Variants in ADGRL2 observed in about 807,000 individuals in gnomAD.
ADGRL2 encodes adhesion G protein-coupled receptor L2.
ADGRL2 carries 44 observed loss-of-function variants against 157.4 expected under a neutral mutation model. The observed-to-expected ratio is 0.28, with a 90% confidence interval of 0.22 to 0.36. ADGRL2 has a LOEUF of 0.36. Among genes scored for constraint, ADGRL2 ranks in the 10% least tolerant of loss-of-function variants. The pLI, the probability that ADGRL2 is intolerant of heterozygous loss-of-function variation, is 1.00. For missense variants in ADGRL2, 1,510 were observed against 1,768.9 expected (o/e 0.85, Z 2.63); for synonymous variants, 585 against 624.7 (o/e 0.94, Z 0.95).
intron 2 of ADGRL2, among the ~76,000 whole-genome samples, chr1:81,509,693 A>G (rs1189040416): frequency 1.3e-5 from 2 of 152,214 alleles, no homozygotes; most frequent in African/African-American, 4.8e-5. Flanking sequence ...CCTGTTTTCC[A>G]TCTTTTATGT....
chr1:81,456,363 T>C (rs1344122316), intron 2 of ADGRL2, among the ~76,000 whole-genome samples: 2 of 152,090 alleles, frequency 1.3e-5, no homozygotes, highest in Admixed American at 1.3e-4. Context: ...GGACTATAAG[T>C]GTGTGCCACC....
intron 3 of ADGRL2, among the ~76,000 whole-genome samples, chr1:81,613,588 G>C (rs2081585458): frequency 2.8e-5 from 2 of 70,798 alleles, no homozygotes; most frequent in Non-Finnish European, 5.3e-5. Context: ...TGGGAAGATG[G>C]ACAAGAATAG....
At chr1:81,754,065 C>T (rs559781952) in intron 1 of ADGRL2, among the ~76,000 whole-genome samples, 17 of 152,158 alleles carry the variant, frequency 1.1e-4, no homozygotes, top group African/African-American at 4.1e-4. Flanking sequence ...CATCTGCCAG[C>T]CAGCAGGTAC....
At chr1:81,377,973 G>A (rs1027566889) in intron 1 of ADGRL2, among the ~76,000 whole-genome samples, 2 of 152,154 alleles carry the variant, frequency 1.3e-5, no homozygotes, top group Non-Finnish European at 1.5e-5. Context: ...GAGGTCAAGA[G>A]ATCGAGATCA....
chr1:81,608,236 A>AG (rs1021040167), intron 3 of ADGRL2, among the ~76,000 whole-genome samples: 2 of 152,076 alleles, frequency 1.3e-5, no homozygotes, highest in African/African-American at 2.4e-5. Flanking sequence ...CTCTGGGTGA[A>AG]GGGTGGGTCA....
At chr1:81,547,417 C>T (rs2080044324) in intron 2 of ADGRL2, among the ~76,000 whole-genome samples, 1 of 152,178 alleles carries the variant, frequency 6.6e-6, no homozygotes. Context: ...CAACCCCCAC[C>T]ACCAGGAATT....
At chr1:81,557,175 G>T (rs1032283935) in intron 2 of ADGRL2, 2 of 175,712 alleles carry the variant, frequency 1.1e-5, no homozygotes, top group Middle Eastern at 5.7e-4. Flanking sequence ...GTAGGCCAAG[G>T]AGTCCCGAGG....
At chr1:81,393,315 T>C (rs1023523939) in intron 1 of ADGRL2, among the ~76,000 whole-genome samples, 1 of 150,044 alleles carries the variant, frequency 6.7e-6, no homozygotes, top group Non-Finnish European at 1.5e-5. Flanking sequence ...AGCCTGGTTA[T>C]GTAGAAGATT....
intron 1 of ADGRL2, among the ~76,000 whole-genome samples, chr1:81,322,188 A>G (rs941941464): frequency 3.3e-5 from 5 of 150,092 alleles, no homozygotes; most frequent in African/African-American, 4.9e-5. Context: ...ATACATATAC[A>G]TATACATATA....
chr1:81,571,415 G>GTA lies in ADGRL2; in HGVS notation c.-247-9453_-247-9452dup, dbSNP rs900294002. ...TGTGTATGTATATATATGTATATAT[G>GTA]TATATATATGTGTGTGTGTGTATAT... On this transcript the variant is annotated intron_variant, in intron 2 of 24. Coordinates refer to the ADGRL2 transcript ENST00000370721. 6.1e-5 allele frequency among the ~76,000 whole-genome samples: 9 copies of GTA among 146,620 alleles called. No homozygotes were observed. In the South Asian group the frequency reaches 1.7e-3, roughly 28 times the overall value.
intron 3 of ADGRL2, among the ~76,000 whole-genome samples, chr1:81,662,721 AT>A (rs1472633629): frequency 6.8e-6 from 1 of 147,774 alleles, no homozygotes; most frequent in Non-Finnish European, 1.5e-5. Context: ...TGCCCGGCTA[AT>A]TTTTTTGTAT....
At chr1:81,568,423 G>A (rs918231503) in intron 2 of ADGRL2, among the ~76,000 whole-genome samples, 2 of 152,100 alleles carry the variant, frequency 1.3e-5, no homozygotes, top group African/African-American at 2.4e-5. Flanking sequence ...GCCTGGATGA[G>A]TTTCTTCAAC....
At chr1:81,985,785 G>C (rs1233653410) in intron 21 of ADGRL2, among the ~76,000 whole-genome samples, 2 of 151,830 alleles carry the variant, frequency 1.3e-5, no homozygotes, top group Non-Finnish European at 2.9e-5. Context: ...AAATTTATCA[G>C]ATAAATCAGT....
chr1:81,553,088 T>C (rs1052849431), intron 2 of ADGRL2, among the ~76,000 whole-genome samples: 4 of 152,114 alleles, frequency 2.6e-5, no homozygotes, highest in Admixed American at 2.0e-4. Flanking sequence ...ACCCAATCAT[T>C]TGGGAACAGA....
chr1:81,962,095 C>T (rs1246000951), intron 11 of ADGRL2, among the ~76,000 whole-genome samples: 1 of 152,036 alleles, frequency 6.6e-6, no homozygotes, highest in African/African-American at 2.4e-5. Flanking sequence ...TAGAGCATAC[C>T]CACCTTCAGC....
chr1:81,773,082 G>A (rs143867425), intron 2 of ADGRL2, among the ~76,000 whole-genome samples: 3 of 152,248 alleles, frequency 2.0e-5, no homozygotes, highest in African/African-American at 7.2e-5. Context: ...GGCCAAAGCT[G>A]AGCTAATTGT....
chr1:81,330,413 T>C (rs188770461), intron 1 of ADGRL2, among the ~76,000 whole-genome samples: 1 of 152,238 alleles, frequency 6.6e-6, no homozygotes, highest in African/African-American at 2.4e-5. Context: ...GTATGCACAC[T>C]TCCTTGGGGA....
intron 2 of ADGRL2, among the ~76,000 whole-genome samples, chr1:81,787,380 G>A (rs1181914242): frequency 1.3e-5 from 2 of 152,134 alleles, no homozygotes; most frequent in Non-Finnish European, 2.9e-5. Flanking sequence ...AAAAATGGCT[G>A]GGTGTGGTGG....
intron 2 of ADGRL2, among the ~76,000 whole-genome samples, chr1:81,449,071 G>T (rs2077657674): frequency 6.6e-6 from 1 of 152,104 alleles, no homozygotes; most frequent in Admixed American, 6.5e-5. Context: ...GGAATAAGTG[G>T]CATCAAAGAT....
Sources: allele counts gnomAD v4.1 joint callset (sites outside exome capture counted in the v4.1 genomes callset), GRCh38; gene constraint gnomAD v4.1.1; transcripts MANE v1.5; gene names NCBI Gene and HGNC (gene_info 2026-07-23, HGNC 2026-07-21).